The following TPO variants were observed in gnomAD, a reference collection of about 807,000 sequenced individuals.
TPO encodes the protein thyroid microsomal antigen.
A neutral mutation model predicts 96.9 loss-of-function variants in TPO; 78 were observed. The ratio of observed to expected loss-of-function variants is 0.81; its 90% CI spans 0.67 to 0.97. The LOEUF is 0.97. Among genes scored for constraint, TPO ranks in the 50% least tolerant of loss-of-function variants. The pLI is 0.00. For missense variants in TPO, 1,252 were observed against 1,274.8 expected (o/e 0.98, Z 0.27); for synonymous variants, 547 against 538.0 (o/e 1.02, Z -0.23).
chr2:1,514,637 G>A (rs1256406699), intron 14 of TPO, among the ~76,000 whole-genome samples: 1 of 152,206 alleles, frequency 6.6e-6, no homozygotes, highest in East Asian at 1.9e-4. Context: ...CAGCAGCCGT[G>A]ACCTTTGTGA....
At chr2:1,404,672 G>A (rs539420763) in intron 1 of TPO, among the ~76,000 whole-genome samples, 1 of 152,260 alleles carries the variant, frequency 6.6e-6, no homozygotes, top group Admixed American at 6.5e-5. Context: ...ACTCTTGGAT[G>A]TTTGGTCTCC....
chr2:1,497,802 T>C (rs772979161), intron 13 of TPO, among the ~76,000 whole-genome samples: 1 of 152,022 alleles, frequency 6.6e-6, no homozygotes, highest in Non-Finnish European at 1.5e-5. Flanking sequence ...AAGAAAGAGA[T>C]GGTCTCGTGC....
At chr2:1,465,128 T>G (rs1013010194) in intron 7 of TPO, among the ~76,000 whole-genome samples, 3 of 152,212 alleles carry the variant, frequency 2.0e-5, no homozygotes, top group African/African-American at 7.2e-5. Flanking sequence ...GCTTGCCAAT[T>G]ATCGCAGCAT....
chr2:1,484,901 C>A, intron 9 of TPO, 47 bp downstream of exon 9: 2 of 1,608,860 alleles, frequency 1.2e-6, no homozygotes, highest in Non-Finnish European at 1.7e-6. Flanking sequence ...ACTCTTCCTT[C>A]TTTTTTTAAT....
intron 1 of TPO, among the ~76,000 whole-genome samples, chr2:1,385,873 A>C (rs1485960394): frequency 6.6e-6 from 1 of 151,748 alleles, no homozygotes; most frequent in African/African-American, 2.4e-5. Context: ...TTCCCTCTAC[A>C]CACCGCTTTA....
intron 4 of TPO, among the ~76,000 whole-genome samples, chr2:1,434,265 T>C (rs932217918): frequency 6.6e-6 from 1 of 152,226 alleles, no homozygotes; most frequent in Non-Finnish European, 1.5e-5. Context: ...AATGTCTTTT[T>C]AATTAATTTA....
chr2:1,542,500 A>ACAGCTTCATGTTCCCAAAATC lies in TPO; in HGVS notation c.*27_*47dup. ...GGGCAAAGTGGCAGGACACTGCAGA[A>ACAGCTTCATGTTCCCAAAATC]CAGCTTCATGTTCCCAAAATCACCG... On this transcript the variant is annotated 3_prime_UTR_variant, in exon 17 of 17. Coordinates refer to ENST00000329066, the MANE Select transcript of TPO (RefSeq NM_001206744.2). 1 of 1,613,988 alleles carries ACAGCTTCATGTTCCCAAAATC rather than the reference A, an allele frequency of 6.2e-7. No homozygotes were observed. The highest frequency in any genetic ancestry group is 8.5e-7 in the Non-Finnish European group (1 of 1,179,976).
chr2:1,396,326 A>C (rs1662079813), intron 1 of TPO, among the ~76,000 whole-genome samples: 1 of 152,240 alleles, frequency 6.6e-6, no homozygotes. Flanking sequence ...CATCCCAAGA[A>C]GCGTTTACCC....
chr2:1,450,936 C>T (rs946334909), intron 5 of TPO, among the ~76,000 whole-genome samples: 9 of 152,202 alleles, frequency 5.9e-5, no homozygotes, highest in Non-Finnish European at 1.2e-4. Flanking sequence ...ATATGCATTA[C>T]TCTCCCATAC....
intron 5 of TPO, chr2:1,438,916 G>A (rs1224201949): frequency 8.5e-6 from 6 of 709,990 alleles, no homozygotes; most frequent in Middle Eastern, 2.3e-4. Context: ...ACTGAAGCCA[G>A]TCAAAGCTTT....
chr2:1,531,619 C>G (rs1439734452), intron 15 of TPO, among the ~76,000 whole-genome samples: 1 of 98,718 alleles, frequency 1.0e-5, no homozygotes, highest in Non-Finnish European at 2.2e-5. Flanking sequence ...TGCAACCTCC[C>G]CAAAACACCC....
chr2:1,396,433 G>A (rs1408397732), intron 1 of TPO, among the ~76,000 whole-genome samples: 4 of 152,202 alleles, frequency 2.6e-5, no homozygotes, highest in Non-Finnish European at 4.4e-5. Context: ...AATGTCTTCC[G>A]CAGCTGAGAG....
At chr2:1,456,709 CTG>C (rs1219413873) in intron 7 of TPO, among the ~76,000 whole-genome samples, 1 of 19,442 alleles carries the variant, frequency 5.1e-5, no homozygotes, top group Non-Finnish European at 1.1e-4. Flanking sequence ...GTATGATACT[CTG>C]GGTACACATA....
chr2:1,438,549 G>T (rs1437800746), intron 5 of TPO, among the ~76,000 whole-genome samples: 2 of 151,914 alleles, frequency 1.3e-5, no homozygotes, highest in Non-Finnish European at 1.5e-5. Context: ...CTCTCCCTAC[G>T]GAGGTCGACC....
At chr2:1,378,802 G>A (rs1661761193) in intron 1 of TPO, among the ~76,000 whole-genome samples, 1 of 152,190 alleles carries the variant, frequency 6.6e-6, no homozygotes, top group Admixed American at 6.5e-5. Context: ...TGAAGCTGCA[G>A]TTTCAGAAGG....
At chr2:1,517,466 A>G (rs190044928) in intron 15 of TPO, among the ~76,000 whole-genome samples, 2 of 152,218 alleles carry the variant, frequency 1.3e-5, no homozygotes, top group East Asian at 3.9e-4. Context: ...CTGCCCTGTG[A>G]GAGTGCTCTC....
chr2:1,538,840 T>TC (rs1348352546), intron 15 of TPO, among the ~76,000 whole-genome samples: 1 of 151,928 alleles, frequency 6.6e-6, no homozygotes, highest in Non-Finnish European at 1.5e-5. Context: ...AGGGCTTTGC[T>TC]CCCCCCGAAG....
At chr2:1,440,381 G>GC (rs77917854) in intron 5 of TPO, among the ~76,000 whole-genome samples, 43,246 of 152,110 alleles carry the variant, frequency 0.28, 6,628 homozygotes, top group South Asian at 0.39. Context: ...GGTTTCTAAG[G>GC]CTTGTTTTTC....
At chr2:1,422,403 G>GACA (rs1663846219) in intron 2 of TPO, among the ~76,000 whole-genome samples, 1 of 31,258 alleles carries the variant, frequency 3.2e-5, no homozygotes, top group East Asian at 5.7e-4. Context: ...TGGGCCATGG[G>GACA]GAGAGCGAGA....
Sources: allele counts gnomAD v4.1 joint callset (sites outside exome capture counted in the v4.1 genomes callset), GRCh38; gene constraint gnomAD v4.1.1; transcripts MANE v1.5; gene names NCBI Gene and HGNC (gene_info 2026-07-23, HGNC 2026-07-21).